Variants in CDK14 observed in about 807,000 individuals in gnomAD.
CDK14 encodes cyclin dependent kinase 14.
In CDK14, 34 loss-of-function variants were observed where a neutral mutation model predicts 60.7. The observed-to-expected ratio is 0.56, with a 90% CI of 0.43 to 0.75. The LOEUF (loss-of-function observed/expected upper bound fraction) is 0.75. CDK14 is among the 30% of genes least tolerant of loss of function. CDK14 has a pLI of 0.00. For missense variants in CDK14, 482 were observed against 564.1 expected, an observed-to-expected ratio of 0.85 and a Z score of 1.47; for synonymous variants, 197 against 203.7, an observed-to-expected ratio of 0.97 and a Z score of 0.28.
intron 12 of CDK14, among the ~76,000 whole-genome samples, chr7:91,092,070 A>C (rs1046896462): frequency 2.6e-5 from 4 of 152,152 alleles, no homozygotes; most frequent in Non-Finnish European, 5.9e-5. Context: ...TTCAGTTATA[A>C]AGGTGAAAAT....
intron 4 of CDK14, among the ~76,000 whole-genome samples, chr7:90,775,257 G>A (rs62469755): frequency 0.077 from 11,660 of 152,128 alleles, 533 homozygotes; most frequent in South Asian, 0.12. Context: ...CATTCTCATC[G>A]CGATGCTGTA....
intron 14 of CDK14, among the ~76,000 whole-genome samples, chr7:91,125,345 A>T (rs976263516): frequency 6.6e-6 from 1 of 152,188 alleles, no homozygotes; most frequent in Non-Finnish European, 1.5e-5. Flanking sequence ...TGCAACCTGA[A>T]TGTGTTCTGA....
At chr7:90,612,471 C>T (rs1799561203) in intron 2 of CDK14, among the ~76,000 whole-genome samples, 1 of 152,102 alleles carries the variant, frequency 6.6e-6, no homozygotes, top group Admixed American at 6.6e-5. Flanking sequence ...CTCACTCTCT[C>T]TTATAGTAAG....
intron 2 of CDK14, among the ~76,000 whole-genome samples, chr7:90,675,349 A>C (rs1279868403): frequency 6.6e-6 from 1 of 152,076 alleles, no homozygotes; most frequent in Non-Finnish European, 1.5e-5. Flanking sequence ...CAAACTTCTT[A>C]AAAGTATTTT....
chr7:90,927,054 C>G (rs1793439500), intron 8 of CDK14, among the ~76,000 whole-genome samples: 1 of 152,164 alleles, frequency 6.6e-6, no homozygotes, highest in South Asian at 2.1e-4. Context: ...ACCACCTTCC[C>G]AGCACTTCAG....
chr7:90,973,927 T>C (rs2115564657), intron 9 of CDK14, among the ~76,000 whole-genome samples: 1 of 152,216 alleles, frequency 6.6e-6, no homozygotes, highest in African/African-American at 2.4e-5. Flanking sequence ...ACAACCGGTC[T>C]GACTAGAATT....
In CDK14 at chr7:90,596,583, GCC is replaced by G. The variant is rs765867288; in HGVS notation, c.-44_-43del. The G allele has an allele frequency of 6.5e-7, 1 of 1,541,504 alleles. No homozygotes were observed. Among genetic ancestry groups the G allele is most frequent in the South Asian group, 1.1e-5 (1 of 89,354 alleles). On this transcript the variant is annotated 5_prime_UTR_variant, in exon 1 of 15. Transcript: ENST00000380050. ...GCGCCCTCGCCGTTGTCTGAGCTGT[GCC>G]TGGACCAGTTTGGGGAAGTTGTCGG...
At chr7:91,132,573 A>G (rs1469954647) in intron 14 of CDK14, among the ~76,000 whole-genome samples, 1 of 152,204 alleles carries the variant, frequency 6.6e-6, no homozygotes, top group African/African-American at 2.4e-5. Context: ...TCATTTAACA[A>G]TGCTAAAGGA....
intron 2 of CDK14, among the ~76,000 whole-genome samples, chr7:90,609,366 G>A (rs1799488211): frequency 6.6e-6 from 1 of 152,080 alleles, no homozygotes. Flanking sequence ...GGGATGATAT[G>A]GTTTGGATCG....
chr7:91,184,030 T>C (rs1802089490), intron 14 of CDK14, among the ~76,000 whole-genome samples: 1 of 151,998 alleles, frequency 6.6e-6, no homozygotes, highest in South Asian at 2.1e-4. Context: ...AAGACCTGTC[T>C]CTACTAAAAA....
intron 4 of CDK14, among the ~76,000 whole-genome samples, chr7:90,784,028 G>A (rs1160553379): frequency 2.6e-5 from 4 of 152,182 alleles, no homozygotes; most frequent in Admixed American, 2.0e-4. Context: ...CAGCTTACAA[G>A]TGTCCGTCAG....
At chr7:91,038,686 T>G (rs979709817) in intron 10 of CDK14, among the ~76,000 whole-genome samples, 1 of 152,206 alleles carries the variant, frequency 6.6e-6, no homozygotes, top group Non-Finnish European at 1.5e-5. Context: ...CATCTTGAAT[T>G]GTAACTCCCA....
In CDK14 at chr7:90,957,303, G is replaced by A. The variant is rs144808984; in HGVS notation, c.947+1486G>A. 3.3e-5 allele frequency among the ~76,000 whole-genome samples: 5 copies of A among 152,140 alleles called. No homozygotes were observed. In the East Asian group the frequency reaches 5.8e-4, roughly 18 times the overall value. On this transcript the variant is annotated intron_variant, in intron 9 of 14. Coordinates refer to ENST00000380050, the MANE Select transcript of CDK14 (RefSeq NM_001287135.2). Reference sequence around the variant, plus strand: ...TGTTTCCTGACTTTTTAATGATTGCGATTCTAACTGGTGTGAGATGGTATC... The same window carrying A: ...TGTTTCCTGACTTTTTAATGATTGCAATTCTAACTGGTGTGAGATGGTATC...
chr7:90,750,994 T>C (rs189181590), intron 4 of CDK14, among the ~76,000 whole-genome samples: 1 of 152,180 alleles, frequency 6.6e-6, no homozygotes, highest in African/African-American at 2.4e-5. Flanking sequence ...AAATAATATT[T>C]TTTTAAATGA....
intron 5 of CDK14, among the ~76,000 whole-genome samples, chr7:90,799,228 A>C (rs1222486336): frequency 1.3e-5 from 2 of 152,224 alleles, no homozygotes; most frequent in Non-Finnish European, 2.9e-5. Context: ...GTAGCAGTAT[A>C]AATAGACAAT....
chr7:90,897,958 G>A (rs1163241858), intron 6 of CDK14, among the ~76,000 whole-genome samples: 3 of 152,002 alleles, frequency 2.0e-5, no homozygotes, highest in African/African-American at 7.2e-5. Context: ...AGCTTGGGTT[G>A]CCCAAGATAA....
chr7:90,795,580 A>T (rs1011571844), intron 5 of CDK14, among the ~76,000 whole-genome samples: 3 of 152,080 alleles, frequency 2.0e-5, no homozygotes, highest in African/African-American at 7.2e-5. Context: ...AATATTTGTT[A>T]TATAAAGAGG....
intron 9 of CDK14, among the ~76,000 whole-genome samples, chr7:90,963,086 A>AGAGAGTGTGTGT (rs146903374): frequency 3.9e-4 from 56 of 142,176 alleles, no homozygotes; most frequent in Non-Finnish European, 4.1e-4. Flanking sequence ...TCATCTTAAG[A>AGAGAGTGTGTGT]GTGTGTGTGT....
At chr7:91,048,183 A>C (rs1376372122) in intron 11 of CDK14, among the ~76,000 whole-genome samples, 1 of 152,136 alleles carries the variant, frequency 6.6e-6, no homozygotes, top group Non-Finnish European at 1.5e-5. Flanking sequence ...TGACCCCACC[A>C]CAGGCCCTCA....
Sources: gnomAD v4.1 joint callset for allele counts (sites outside exome capture counted in the v4.1 genomes callset) on GRCh38, gnomAD v4.1.1 for gene constraint, MANE v1.5 for transcripts, NCBI Gene and HGNC (gene_info 2026-07-23, HGNC 2026-07-21) for gene names.